The following PDS5B variants were observed in gnomAD, a reference collection of about 807,000 sequenced individuals.
PDS5B encodes the protein PDS5 cohesin associated factor B, also known as sister chromatid cohesion protein PDS5 homolog B.
A neutral mutation model predicts 184.1 loss-of-function variants in PDS5B; 51 were observed. The observed-to-expected ratio is 0.28, with a 90% CI of 0.22 to 0.35. The LOEUF is 0.35. Among genes scored for constraint, PDS5B ranks in the 10% least tolerant of loss-of-function variants. PDS5B has a pLI of 1.00. For missense variants in PDS5B, 1,180 were observed against 1,723.3 expected (o/e 0.68, Z 5.58); for synonymous variants, 566 against 569.2 (o/e 0.99, Z 0.08).
chr13:32,676,272 T>C (rs1374479105), intron 9 of PDS5B, among the ~76,000 whole-genome samples: 1 of 152,160 alleles, frequency 6.6e-6, no homozygotes, highest in Non-Finnish European at 1.5e-5. Flanking sequence ...AGATATAGCC[T>C]CTCTACAAAT....
intron 1 of PDS5B, among the ~76,000 whole-genome samples, chr13:32,638,676 G>C (rs2058605579): frequency 6.6e-6 from 1 of 152,056 alleles, no homozygotes; most frequent in Non-Finnish European, 1.5e-5. Context: ...AGTAGACACA[G>C]AGGATGCTGA....
chr13:32,663,390 AATACTATTG>A (rs1382017430), intron 6 of PDS5B, among the ~76,000 whole-genome samples: 7 of 152,128 alleles, frequency 4.6e-5, no homozygotes, highest in Non-Finnish European at 8.8e-5. Flanking sequence ...AATGATTTAA[AATACTATTG>A]ATAATCACCA....
At position 32,770,102 on chromosome 13, in the gene PDS5B, G is replaced by A. The variant is rs757850447; in HGVS notation, c.3625-19G>A. The stretch of plus-strand genomic sequence containing the variant: ...TCACAATTTCATAACCATAAATTGT[G>A]ATTTTTTTTTTCCCCTAGTCTGAAT... On this transcript the variant is annotated intron_variant, in intron 31 of 34. Coordinates refer to ENST00000315596, the MANE Select transcript of PDS5B (RefSeq NM_015032.4). The A allele has an allele frequency of 8.5e-6, 13 of 1,532,888 alleles. No individual in the cohort carries two copies. The highest frequency in any genetic ancestry group is 3.0e-5 in the African/African-American group (2 of 67,050). 95.0% of individuals were successfully genotyped at this position (1,532,888 alleles called of 1,614,324 possible). A position where few individuals can be genotyped will look rare whatever the true frequency, so the allele number is the denominator to read the frequency against.
rs559089844 is a variant in PDS5B, at chr13:32,668,188, G to A, written c.705+344G>A. 2.6e-5 allele frequency among the ~76,000 whole-genome samples: 4 copies of A among 152,216 alleles called. No homozygotes were observed. The East Asian group carries it at 5.8e-4, about 22-fold the overall frequency. On this transcript the variant is annotated intron_variant, in intron 7 of 34. Coordinates refer to ENST00000315596, the MANE Select transcript of PDS5B (RefSeq NM_015032.4). ...ATGGAACTTTTCATTATTCAGAGAC[G>A]TTGCTTACAGGTTTTTGGAGCTTAA...
At chr13:32,773,112 G>C (rs945130851) in intron 33 of PDS5B, 77 bp from the exon 34 acceptor site, 2 of 1,239,548 alleles carry the variant, frequency 1.6e-6, no homozygotes, top group African/African-American at 3.0e-5. Context: ...GATGAAATAC[G>C]TGAAACATTT....
intron 3 of PDS5B, among the ~76,000 whole-genome samples, chr13:32,655,376 T>TATATATATATATATA (rs1566290689): frequency 3.2e-4 from 20 of 63,382 alleles, no homozygotes; most frequent in East Asian, 1.9e-3. Flanking sequence ...ATATATATAT[T>TATATATATATATATA]TTTTTTTTTT....
chr13:32,733,107 A>G (rs950679624), intron 20 of PDS5B, among the ~76,000 whole-genome samples: 8 of 152,180 alleles, frequency 5.3e-5, no homozygotes, highest in Admixed American at 4.6e-4. Flanking sequence ...GTATATGAGA[A>G]TGGCTTCAAT....
chr13:32,601,653 G>A (rs993996020), intron 1 of PDS5B, among the ~76,000 whole-genome samples: 5 of 152,186 alleles, frequency 3.3e-5, no homozygotes, highest in Non-Finnish European at 7.4e-5. Flanking sequence ...AAATGTAATT[G>A]TTGGTCTCAA....
chr13:32,707,546 A>C (rs1238003830), intron 18 of PDS5B, among the ~76,000 whole-genome samples: 1 of 149,102 alleles, frequency 6.7e-6, no homozygotes, highest in Non-Finnish European at 1.5e-5. Context: ...ACAATTTTGT[A>C]TCCTTAACTA....
intron 33 of PDS5B, 78 bp downstream of exon 33, chr13:32,770,839 G>T: frequency 9.5e-7 from 1 of 1,051,442 alleles, no homozygotes; most frequent in South Asian, 1.4e-5. Context: ...CATACATATT[G>T]CTGTATTTAA....
intron 2 of PDS5B, chr13:32,649,332 G>C (rs1950308411): frequency 6.5e-6 from 1 of 154,286 alleles, no homozygotes; most frequent in South Asian, 2.0e-4. Flanking sequence ...ATGTAGTAAT[G>C]AATCAAGATT....
chr13:32,598,767 TC>T (rs2057921013), intron 1 of PDS5B, among the ~76,000 whole-genome samples: 1 of 137,584 alleles, frequency 7.3e-6, no homozygotes. Flanking sequence ...GTTTTTTTTC[TC>T]TCTTTTTTTT....
intron 2 of PDS5B, chr13:32,649,779 G>C (rs1309403562): frequency 2.0e-5 from 3 of 152,050 alleles, no homozygotes; most frequent in Non-Finnish European, 4.4e-5. Flanking sequence ...CAGAATGTCA[G>C]ATATCAGATG....
chr13:32,696,799 A>C, intron 14 of PDS5B, 55 bp from the exon 15 acceptor site: 1 of 1,272,784 alleles, frequency 7.9e-7, no homozygotes, highest in Non-Finnish European at 1.1e-6. Context: ...GCAGAGTATG[A>C]TGAAGTTTTC....
chr13:32,767,908 T>C (rs1427928091), intron 31 of PDS5B, among the ~76,000 whole-genome samples: 2 of 152,212 alleles, frequency 1.3e-5, no homozygotes, highest in African/African-American at 2.4e-5. Flanking sequence ...TACATAATTA[T>C]ACTTAGTAAA....
At position 32,602,073 on chromosome 13, in the gene PDS5B, C is replaced by CT. The variant is rs538972656; in HGVS notation, c.-20+15490dup. Reference sequence around the variant, plus strand: ...CAAAACAATGTTTTTCAGTTAAATTCTTTTTTTTTTAAATCCTTGTCTTTT... The same window carrying CT: ...CAAAACAATGTTTTTCAGTTAAATTCTTTTTTTTTTTAAATCCTTGTCTTTT... On this transcript the variant is annotated intron_variant, in intron 1 of 34. Transcript: ENST00000315596. Among the ~76,000 whole-genome samples, 18 of 148,266 alleles carry CT rather than the reference C, an allele frequency of 1.2e-4. No individual in the cohort carries two copies. In the East Asian group the frequency reaches 1.6e-3, roughly 13 times the overall value.
chr13:32,616,519 T>C (rs1253639364), intron 1 of PDS5B, among the ~76,000 whole-genome samples: 1 of 152,246 alleles, frequency 6.6e-6, no homozygotes, highest in African/African-American at 2.4e-5. Flanking sequence ...AACTTTTCTA[T>C]TGAAGGACAT....
chr13:32,698,878 G>T (rs1262571998), intron 15 of PDS5B, among the ~76,000 whole-genome samples: 2 of 151,704 alleles, frequency 1.3e-5, no homozygotes, highest in African/African-American at 4.8e-5. Flanking sequence ...TCAGCCTCCC[G>T]AGTAGCTGGG....
At chr13:32,620,079 A>T (rs1566253071) in intron 1 of PDS5B, among the ~76,000 whole-genome samples, 1 of 152,106 alleles carries the variant, frequency 6.6e-6, no homozygotes, top group Non-Finnish European at 1.5e-5. Flanking sequence ...GATTACAGTC[A>T]TGAGCCAATG....
Sources: allele counts gnomAD v4.1 joint callset (sites outside exome capture counted in the v4.1 genomes callset), GRCh38; gene constraint gnomAD v4.1.1; transcripts MANE v1.5; gene names NCBI Gene and HGNC (gene_info 2026-07-23, HGNC 2026-07-21).